Variants in NALCN observed in about 807,000 individuals in gnomAD.
The protein encoded by NALCN is sodium leak channel NALCN.
A neutral mutation model predicts 225.3 loss-of-function variants in NALCN; 111 were observed. The observed-to-expected ratio is 0.49, with a 90% CI of 0.42 to 0.58. The LOEUF (loss-of-function observed/expected upper bound fraction) is 0.58. NALCN is among the 20% of genes least tolerant of loss of function. NALCN has a pLI of 0.00. For missense variants in NALCN, 1,378 were observed against 2,202.4 expected (o/e 0.63, Z 7.49); for synonymous variants, 764 against 769.0 (o/e 0.99, Z 0.11).
intron 20 of NALCN, among the ~76,000 whole-genome samples, chr13:101,110,038 T>A (rs191280046): frequency 9.2e-5 from 14 of 152,324 alleles, no homozygotes; most frequent in African/African-American, 2.9e-4. Flanking sequence ...GCACTGAGTC[T>A]ATCTTATTAC....
chr13:101,206,738 A>G (rs2040327631), intron 13 of NALCN, among the ~76,000 whole-genome samples: 1 of 149,460 alleles, frequency 6.7e-6, no homozygotes. Flanking sequence ...ATATATATAT[A>G]TATATATACA....
rs543058612 is a variant in NALCN, at chr13:101,205,165, A to C, written c.1627-13111T>G. Among the ~76,000 whole-genome samples, 18 of 152,220 alleles carry C rather than the reference A, an allele frequency of 1.2e-4. No individual in the cohort carries two copies. The East Asian group carries it at 3.3e-3, about 28-fold the overall frequency. Reference sequence around the variant, plus strand: ...AAAATTAATAAAACAAAGAACATACATGCATATTCTCAGCAATATCTAAAA... The same window carrying C: ...AAAATTAATAAAACAAAGAACATACCTGCATATTCTCAGCAATATCTAAAA... On this transcript the variant is annotated intron_variant, in intron 13 of 43. Transcript: ENST00000251127.
rs555751652 is a variant in NALCN at position 101,135,797 on chromosome 13, T to C, written c.2118+7283A>G. ...GACACTTGATAGAAGAGACAATTTA[T>C]AAGTAAAACTGTAGTCAGAAGAGGA... On this transcript the variant is annotated intron_variant, in intron 17 of 43. Coordinates refer to ENST00000251127, the MANE Select transcript of NALCN (RefSeq NM_052867.4). Among the ~76,000 whole-genome samples the C allele has an allele frequency of 1.6e-3, 248 of 152,308 alleles. 2 individuals are homozygous for C. In the South Asian group the frequency reaches 0.018, roughly 11 times the overall value.
At chr13:101,211,650 C>CTATATATA (rs5806203) in intron 13 of NALCN, among the ~76,000 whole-genome samples, 36 of 145,634 alleles carry the variant, frequency 2.5e-4, no homozygotes, top group Admixed American at 7.6e-4. Context: ...TGACAATAAA[C>CTATATATA]TATATATATA....
intron 7 of NALCN, among the ~76,000 whole-genome samples, chr13:101,323,965 C>T (rs866077700): frequency 6.6e-6 from 1 of 152,150 alleles, no homozygotes; most frequent in East Asian, 1.9e-4. Flanking sequence ...TGTAGAGAGG[C>T]ACTGAATAAG....
rs1484163724 is a variant in NALCN, at chr13:101,053,935, A to ACTT, written c.*1357_*1359dup. The ACTT allele has an allele frequency of 1.3e-5, 2 of 152,148 alleles. No homozygotes were observed. The highest frequency in any genetic ancestry group is 4.8e-5 in the African/African-American group (2 of 41,400). 9.4% of individuals were successfully genotyped at this position (152,148 alleles called of 1,614,324 possible). A position where few individuals can be genotyped will look rare whatever the true frequency, so the allele number is the denominator to read the frequency against. On this transcript the variant is annotated 3_prime_UTR_variant, in exon 44 of 44. Transcript: ENST00000251127. ...AACTGTAGACTGCCACTACCACGAT[A>ACTT]CTTCTGTGACACAGAAGGAATGTCC...
intron 30 of NALCN, among the ~76,000 whole-genome samples, chr13:101,085,089 T>G (rs1422296817): frequency 6.6e-6 from 1 of 152,206 alleles, no homozygotes; most frequent in African/African-American, 2.4e-5. Flanking sequence ...TATCTTCCTA[T>G]GTGAATTGCC....
intron 9 of NALCN, among the ~76,000 whole-genome samples, chr13:101,291,223 T>A: frequency 6.6e-6 from 1 of 152,222 alleles, no homozygotes; most frequent in East Asian, 1.9e-4. Flanking sequence ...TTTTCATAGT[T>A]TATTGTACTG....
chr13:101,165,111 T>A (rs892991029), intron 15 of NALCN, among the ~76,000 whole-genome samples: 1 of 152,224 alleles, frequency 6.6e-6, no homozygotes, highest in Non-Finnish European at 1.5e-5. Flanking sequence ...ACCTATTGAC[T>A]TCAGCGTGTT....
At chr13:101,059,262 G>A (rs576204056) in intron 42 of NALCN, 6 of 152,402 alleles carry the variant, frequency 3.9e-5, no homozygotes, top group Non-Finnish European at 5.9e-5. Flanking sequence ...AATATGCTGT[G>A]ACTTAATAAA....
At chr13:101,365,058 T>G (rs2046343932) in intron 6 of NALCN, among the ~76,000 whole-genome samples, 1 of 152,200 alleles carries the variant, frequency 6.6e-6, no homozygotes. Context: ...TTAACTTTTA[T>G]TTTAGATTCA....
chr13:101,380,908 CCAA>C (rs1358435474), intron 3 of NALCN, among the ~76,000 whole-genome samples: 7 of 150,880 alleles, frequency 4.6e-5, no homozygotes, highest in Admixed American at 6.6e-5. Context: ...ATCACCACCA[CCAA>C]CAACCAAAAG....
chr13:101,198,790 G>A (rs112950405), intron 13 of NALCN, among the ~76,000 whole-genome samples: 4 of 152,012 alleles, frequency 2.6e-5, no homozygotes, highest in African/African-American at 9.7e-5. Flanking sequence ...CCCATTACTG[G>A]GTATATACTC....
chr13:101,167,133 T>C (rs1268994215), intron 15 of NALCN, among the ~76,000 whole-genome samples: 2 of 152,228 alleles, frequency 1.3e-5, no homozygotes, highest in Non-Finnish European at 2.9e-5. Context: ...TAATATGTTT[T>C]GAAATCAGGA....
At chr13:101,281,125 C>A (rs1157746826) in intron 10 of NALCN, among the ~76,000 whole-genome samples, 1 of 152,130 alleles carries the variant, frequency 6.6e-6, no homozygotes, top group African/African-American at 2.4e-5. Flanking sequence ...AGGTGATCTG[C>A]CTGCCTCAGC....
intron 7 of NALCN, among the ~76,000 whole-genome samples, chr13:101,300,848 T>A (rs952813260): frequency 6.6e-6 from 1 of 152,242 alleles, no homozygotes; most frequent in Non-Finnish European, 1.5e-5. Flanking sequence ...TTTAAAATTA[T>A]AAATGCCTTA....
In NALCN at chr13:101,213,087, A is replaced by G. The variant is rs546332110; in HGVS notation, c.1626+16306T>C. On this transcript the variant is annotated intron_variant, in intron 13 of 43. Transcript: ENST00000251127. The stretch of plus-strand genomic sequence containing the variant: ...GTAACCAAAACAGCATGGTACTGGT[A>G]CCAAAACAGAGATATAGACCAATGG... Among the ~76,000 whole-genome samples the G allele has an allele frequency of 2.0e-3, 305 of 152,308 alleles. 1 individual carries two copies. Among genetic ancestry groups the G allele is most frequent in the African/African-American group, 6.9e-3 (285 of 41,560 alleles).
rs757672906 is a variant in NALCN at position 101,104,496 on chromosome 13, T to C, written c.2757+34A>G. ...AGCAGGTCAGTATTTTACCTCCTAG[T>C]TGTAAGCTGAGATTTTGCAGCGGTA... On this transcript the variant is annotated intron_variant, in intron 24 of 43. Coordinates refer to ENST00000251127, the MANE Select transcript of NALCN (RefSeq NM_052867.4). This position sits in a 1 kb window ranked among gnomAD's most constrained non-coding sequence, Gnocchi z 4.2. 1.4e-5 allele frequency: 23 copies of C among 1,613,640 alleles called. No homozygotes were observed. The highest frequency in any genetic ancestry group is 2.2e-5 in the East Asian group (1 of 44,850).
In NALCN at chr13:101,266,315, T is replaced by C. The variant is rs1999576; in HGVS notation, c.1135-7741A>G. Among the ~76,000 whole-genome samples, 1,201 of 152,302 alleles carry C rather than the reference T, an allele frequency of 7.9e-3. 18 individuals are homozygous for C. The highest frequency in any genetic ancestry group is 0.028 in the African/African-American group (1,162 of 41,566). Reference sequence around the variant, plus strand: ...GTGGAAGAGATTAGTAATCTTGAAATGGACCGTGAACATTTATAAACTTTC... The same window carrying C: ...GTGGAAGAGATTAGTAATCTTGAAACGGACCGTGAACATTTATAAACTTTC... On this transcript the variant is annotated intron_variant, in intron 10 of 43. Transcript: ENST00000251127.
Sources: allele counts gnomAD v4.1 joint callset (sites outside exome capture counted in the v4.1 genomes callset), GRCh38; gene constraint gnomAD v4.1.1; non-coding constraint Gnocchi (gnomAD v3.1); transcripts MANE v1.5; gene names NCBI Gene and HGNC (gene_info 2026-07-23, HGNC 2026-07-21).